The following SMOC1 variants were observed in gnomAD, a reference collection of about 807,000 sequenced individuals.
SMOC1 encodes the protein SPARC-related modular calcium-binding protein 1.
In SMOC1, 22 loss-of-function variants were observed where a neutral mutation model predicts 56.3. That is an observed-to-expected ratio of 0.39 (90% CI 0.28 to 0.56). SMOC1 has a LOEUF of 0.56. SMOC1 is among the 20% of genes least tolerant of loss of function. The probability of loss-of-function intolerance (pLI) is 0.61; values close to 1 mark genes in which losing one functional copy is unlikely to be tolerated. For synonymous variants in SMOC1, 193 were observed against 215.0 expected (o/e 0.90, Z 0.89); for missense variants, 509 against 565.4 (o/e 0.90, Z 1.01).
At chr14:70,027,832 C>T (rs867319186) in intron 11 of SMOC1, among the ~76,000 whole-genome samples, 3 of 152,276 alleles carry the variant, frequency 2.0e-5, no homozygotes, top group South Asian at 2.1e-4. Flanking sequence ...AAATTGGTAG[C>T]GGTAGAGGAA....
chr14:70,002,950 C>T (rs1594849627), intron 7 of SMOC1, among the ~76,000 whole-genome samples: 1 of 152,184 alleles, frequency 6.6e-6, no homozygotes, highest in East Asian at 1.9e-4. Flanking sequence ...CTGGTCCTAT[C>T]TTTCTCTCTT....
At chr14:69,987,781 G>T (rs1884419193) in intron 5 of SMOC1, among the ~76,000 whole-genome samples, 1 of 152,182 alleles carries the variant, frequency 6.6e-6, no homozygotes, top group Non-Finnish European at 1.5e-5. Context: ...GGTGTCATCG[G>T]GGGTCGAAGT....
chr14:69,922,182 C>T (rs1205234658), intron 1 of SMOC1, among the ~76,000 whole-genome samples: 2 of 152,200 alleles, frequency 1.3e-5, no homozygotes, highest in African/African-American at 4.8e-5. Flanking sequence ...ACCTCTGGAG[C>T]TTTCTCATTG....
At chr14:69,986,858 G>A (rs995637328) in intron 5 of SMOC1, among the ~76,000 whole-genome samples, 1 of 152,158 alleles carries the variant, frequency 6.6e-6, no homozygotes, top group African/African-American at 2.4e-5. Flanking sequence ...ATAAAACACT[G>A]ACCTCCTGCT....
intron 2 of SMOC1, among the ~76,000 whole-genome samples, 165 bp from the exon 3 acceptor site, chr14:69,953,255 G>T (rs912483429): frequency 6.6e-6 from 1 of 152,218 alleles, no homozygotes; most frequent in East Asian, 1.9e-4. Flanking sequence ...TACGGGGAAG[G>T]GGGGCTGTGC....
chr14:69,914,356 G>A (rs11627910), intron 1 of SMOC1, among the ~76,000 whole-genome samples: 18,939 of 152,190 alleles, frequency 0.12, 1,259 homozygotes, highest in African/African-American at 0.18. Flanking sequence ...AATGGGCATA[G>A]CTAAGTTATA....
intron 1 of SMOC1, among the ~76,000 whole-genome samples, chr14:69,945,729 G>GA (rs1223335066): frequency 6.6e-6 from 1 of 152,208 alleles, no homozygotes; most frequent in Non-Finnish European, 1.5e-5. Context: ...ATTTATTAAA[G>GA]AAAAACCTAA....
In SMOC1 at chr14:70,023,410, G is replaced by A. The variant is rs921907893; in HGVS notation, c.1254G>A (p.Leu418=). 3.7e-6 allele frequency: 6 copies of A among 1,614,012 alleles called. No individual in the cohort carries two copies. Among genetic ancestry groups the A allele is most frequent in the Admixed American group, 3.3e-5 (2 of 60,030 alleles). The change falls in exon 11 of 12, where the codon CTG becomes CTA. Residue 418 remains leucine (L), a synonymous_variant. Transcript: ENST00000361956. ...CDLNKDKVIS[L]PELKGCLGVS... ...TGAACAAAGACAAGGTCATTTCACT[G>A]CCTGAGCTGAAGGGCTGCCTGGGTG...
At chr14:69,999,702 C>T (rs150484599) in intron 7 of SMOC1, among the ~76,000 whole-genome samples, 1 of 152,306 alleles carries the variant, frequency 6.6e-6, no homozygotes, top group Non-Finnish European at 1.5e-5. Flanking sequence ...TTCTCCATGG[C>T]AACAAAGGCC....
At chr14:69,921,377 A>G (rs931114738) in intron 1 of SMOC1, among the ~76,000 whole-genome samples, 17 of 152,198 alleles carry the variant, frequency 1.1e-4, no homozygotes, top group African/African-American at 4.1e-4. Flanking sequence ...CATGAGGCTC[A>G]CAGACTGCAC....
At chr14:69,996,057 A>G (rs993606138) in intron 7 of SMOC1, among the ~76,000 whole-genome samples, 1 of 152,200 alleles carries the variant, frequency 6.6e-6, no homozygotes, top group Non-Finnish European at 1.5e-5. Context: ...TTCTGTGACC[A>G]AGTGGAAGAT....
intron 1 of SMOC1, among the ~76,000 whole-genome samples, chr14:69,884,964 T>G (rs1035596435): frequency 1.3e-5 from 2 of 152,208 alleles, no homozygotes; most frequent in Non-Finnish European, 2.9e-5. Context: ...TCTATTTCTA[T>G]GAAGAACATC....
intron 1 of SMOC1, among the ~76,000 whole-genome samples, chr14:69,912,923 G>A (rs1884591508): frequency 1.3e-5 from 2 of 152,164 alleles, no homozygotes; most frequent in South Asian, 4.2e-4. Context: ...ATCCAGGCCT[G>A]TTTATTTTTC....
At chr14:69,949,963 G>C (rs1882933698) in intron 1 of SMOC1, among the ~76,000 whole-genome samples, 1 of 152,174 alleles carries the variant, frequency 6.6e-6, no homozygotes, top group South Asian at 2.1e-4. Context: ...CTCTTCTGTG[G>C]GGCAGCCCTG....
intron 1 of SMOC1, among the ~76,000 whole-genome samples, chr14:69,880,300 T>G (rs1883601866): frequency 6.6e-6 from 1 of 152,096 alleles, no homozygotes; most frequent in South Asian, 2.1e-4. Flanking sequence ...AGCAGATAAT[T>G]TTAATGTCAC....
chr14:70,015,617 T>G (rs918839935), intron 10 of SMOC1, among the ~76,000 whole-genome samples: 4 of 151,946 alleles, frequency 2.6e-5, no homozygotes, highest in Non-Finnish European at 5.9e-5. Flanking sequence ...CCCCTGTGGG[T>G]GGGGGCCAGG....
chr14:69,921,826 T>C (rs1344562244), intron 1 of SMOC1, among the ~76,000 whole-genome samples: 1 of 152,128 alleles, frequency 6.6e-6, no homozygotes, highest in African/African-American at 2.4e-5. Flanking sequence ...TAACTGGTGT[T>C]TTGCAATGGG....
chr14:70,013,536 C>T, intron 10 of SMOC1, 45 bp downstream of exon 10: 5 of 1,558,288 alleles, frequency 3.2e-6, no homozygotes, highest in Non-Finnish European at 4.4e-6. Context: ...AAATGTGGGG[C>T]CCCTGACTTT....
At chr14:69,940,176 A>C (rs1882499554) in intron 1 of SMOC1, among the ~76,000 whole-genome samples, 1 of 152,292 alleles carries the variant, frequency 6.6e-6, no homozygotes, top group African/African-American at 2.4e-5. Flanking sequence ...GTCACTGCCC[A>C]GCACCCAGTT....
Sources: allele counts gnomAD v4.1 joint callset (sites outside exome capture counted in the v4.1 genomes callset), GRCh38; gene constraint gnomAD v4.1.1; transcripts MANE v1.5; gene names NCBI Gene and HGNC (gene_info 2026-07-23, HGNC 2026-07-21).